The following WWOX variants were observed in gnomAD, a reference collection of about 807,000 sequenced individuals.
The protein encoded by WWOX is WW domain containing oxidoreductase, also known as WW domain-containing oxidoreductase.
In WWOX, 69 loss-of-function variants were observed where a neutral mutation model predicts 46.2. The observed-to-expected ratio is 1.49, with a 90% CI of 1.23 to 1.82. The LOEUF is 1.82. Among genes scored for constraint, WWOX ranks in the 40% most tolerant of loss-of-function variants. WWOX has a pLI of 0.00. For synonymous variants in WWOX, 359 were observed against 202.6 expected (o/e 1.77, Z -6.56); for missense variants, 919 against 542.6 (o/e 1.69, Z -6.89).
intron 5 of WWOX, among the ~76,000 whole-genome samples, chr16:78,323,609 C>A (rs980283942): frequency 6.6e-6 from 1 of 152,122 alleles, no homozygotes. Flanking sequence ...GAATCATGCC[C>A]ACTATTTGGT....
intron 8 of WWOX, among the ~76,000 whole-genome samples, chr16:78,700,422 G>C (rs924918833): frequency 6.6e-6 from 1 of 151,794 alleles, no homozygotes; most frequent in Non-Finnish European, 1.5e-5. Context: ...TATTACTTCT[G>C]AGAGGCCCTA....
intron 8 of WWOX, among the ~76,000 whole-genome samples, chr16:79,022,735 G>T (rs543289476): frequency 3.9e-5 from 6 of 152,216 alleles, no homozygotes; most frequent in Non-Finnish European, 8.8e-5. Context: ...AGAAGAGGCA[G>T]TGGCCCCCCA....
chr16:78,514,140 T>C (rs976118312), intron 8 of WWOX, among the ~76,000 whole-genome samples: 1 of 152,212 alleles, frequency 6.6e-6, no homozygotes, highest in African/African-American at 2.4e-5. Flanking sequence ...CTATAGAGGC[T>C]TCAGACGTCA....
At chr16:78,324,030 G>GT (rs1480439493) in intron 5 of WWOX, among the ~76,000 whole-genome samples, 1 of 152,102 alleles carries the variant, frequency 6.6e-6, no homozygotes, top group African/African-American at 2.4e-5. Flanking sequence ...TTTCCTCTGT[G>GT]TTAGAGACAA....
At chr16:79,187,499 C>T (rs2051040783) in intron 8 of WWOX, among the ~76,000 whole-genome samples, 1 of 152,210 alleles carries the variant, frequency 6.6e-6, no homozygotes, top group Admixed American at 6.5e-5. Context: ...TTCCCAGGTT[C>T]AAGCGATTCT....
intron 5 of WWOX, among the ~76,000 whole-genome samples, chr16:78,349,256 A>G (rs149511571): frequency 8.3e-6 from 1 of 120,108 alleles, no homozygotes; most frequent in East Asian, 1.9e-4. Context: ...AGATTGCAAT[A>G]GGACCTGCCC....
intron 8 of WWOX, among the ~76,000 whole-genome samples, chr16:79,087,333 C>G (rs1479372806): frequency 1.3e-5 from 2 of 152,144 alleles, no homozygotes; most frequent in African/African-American, 4.8e-5. Flanking sequence ...AGGGAAGAAG[C>G]TGAAGCTAGC....
chr16:79,129,119 A>G (rs1353471874), intron 8 of WWOX, among the ~76,000 whole-genome samples: 2 of 152,070 alleles, frequency 1.3e-5, no homozygotes, highest in Non-Finnish European at 2.9e-5. Flanking sequence ...AAACAACGGT[A>G]GTTATAAAAT....
At chr16:78,738,093 A>C (rs566273943) in intron 8 of WWOX, among the ~76,000 whole-genome samples, 18 of 152,104 alleles carry the variant, frequency 1.2e-4, no homozygotes, top group Non-Finnish European at 2.4e-4. Context: ...AGAAAGCTAG[A>C]GGTTCTAATT....
intron 8 of WWOX, among the ~76,000 whole-genome samples, chr16:79,005,390 G>C (rs1356425283): frequency 6.6e-6 from 1 of 152,176 alleles, no homozygotes; most frequent in East Asian, 1.9e-4. Context: ...TGATGGCATA[G>C]CACATTCGTT....
intron 8 of WWOX, among the ~76,000 whole-genome samples, chr16:78,644,012 C>T (rs1049205686): frequency 6.6e-6 from 1 of 152,072 alleles, no homozygotes; most frequent in African/African-American, 2.4e-5. Flanking sequence ...CACGTGAGGT[C>T]AGGAGTTTGA....
chr16:78,483,384 T>C lies in WWOX; in HGVS notation c.1056+50632T>C, dbSNP rs370432101. ...TTGGCTGACATGGAAGATTTTTTTT[T>C]TTTTTAATACTTTTCTTTTTGCCGG... On this transcript the variant is annotated intron_variant, in intron 8 of 8. Coordinates refer to ENST00000566780, the MANE Select transcript of WWOX (RefSeq NM_016373.4). Among the ~76,000 whole-genome samples, 5 of 152,002 alleles carry C rather than the reference T, an allele frequency of 3.3e-5. No individual in the cohort carries two copies. In the East Asian group the frequency reaches 5.8e-4, roughly 18 times the overall value.
intron 2 of WWOX, 31 bp from the exon 3 acceptor site, chr16:78,109,747 C>G: frequency 6.2e-7 from 1 of 1,613,200 alleles, no homozygotes; most frequent in Non-Finnish European, 8.5e-7. Flanking sequence ...TTCTCCCTGG[C>G]ACCTGTAGAC....
chr16:78,342,476 A>G (rs113552912), intron 5 of WWOX, among the ~76,000 whole-genome samples: 13,568 of 119,536 alleles, frequency 0.11, 4,085 homozygotes, highest in East Asian at 0.21. Context: ...TGCACGTGGC[A>G]TTTGTTGCTT....
chr16:78,175,540 T>A (rs1189910994), intron 5 of WWOX, among the ~76,000 whole-genome samples: 1 of 152,146 alleles, frequency 6.6e-6, no homozygotes, highest in African/African-American at 2.4e-5. Context: ...CCAGCCACCA[T>A]GTTGTGAGGA....
rs1053231816 is a variant in WWOX at position 78,478,874 on chromosome 16, G to A, written c.1056+46122G>A. ...TGGACAAGCCCTTTCTGAATAAGCTGAATCTGTAGTATAATTTCATTAACT... is the reference window on the plus strand; with the variant it reads ...TGGACAAGCCCTTTCTGAATAAGCTAAATCTGTAGTATAATTTCATTAACT... On this transcript the variant is annotated intron_variant, in intron 8 of 8. Coordinates refer to ENST00000566780, the MANE Select transcript of WWOX (RefSeq NM_016373.4). Among the ~76,000 whole-genome samples the A allele has an allele frequency of 3.3e-5, 5 of 152,054 alleles. No homozygotes were observed. The East Asian group carries it at 9.6e-4, about 29-fold the overall frequency.
chr16:78,675,631 G>A (rs2738616), intron 8 of WWOX, among the ~76,000 whole-genome samples: 1 of 152,064 alleles, frequency 6.6e-6, no homozygotes, highest in East Asian at 1.9e-4. Flanking sequence ...ATGTCCCTGG[G>A]CACTAGCCCA....
intron 6 of WWOX, among the ~76,000 whole-genome samples, chr16:78,416,756 C>T (rs535604180): frequency 1.3e-5 from 2 of 152,184 alleles, no homozygotes; most frequent in African/African-American, 4.8e-5. Flanking sequence ...TTAATTTTGT[C>T]TTGTGGATAA....
intron 8 of WWOX, among the ~76,000 whole-genome samples, chr16:79,031,845 T>A (rs58342099): frequency 1.4e-5 from 2 of 139,324 alleles, no homozygotes; most frequent in South Asian, 2.2e-4. Context: ...ATATATCTTA[T>A]TATATATTAT....
Sources: gnomAD v4.1 joint callset for allele counts (sites outside exome capture counted in the v4.1 genomes callset) on GRCh38, gnomAD v4.1.1 for gene constraint, MANE v1.5 for transcripts, NCBI Gene and HGNC (gene_info 2026-07-23, HGNC 2026-07-21) for gene names.